Variants in DGKB observed in about 807,000 individuals in gnomAD.
DGKB encodes the protein diacylglycerol kinase beta.
A neutral mutation model predicts 114.3 loss-of-function variants in DGKB; 67 were observed. The observed-to-expected ratio is 0.59, with a 90% CI of 0.48 to 0.72. DGKB has a LOEUF of 0.72. Ranked by LOEUF, DGKB falls within the 30% of genes least tolerant of loss-of-function variation. DGKB has a pLI of 0.00. For synonymous variants in DGKB, 398 were observed against 323.1 expected, an observed-to-expected ratio of 1.23 and a Z score of -2.49; for missense variants, 907 against 975.2, an observed-to-expected ratio of 0.93 and a Z score of 0.93.
intron 20 of DGKB, among the ~76,000 whole-genome samples, chr7:14,539,277 A>G (rs1051124173): frequency 2.6e-5 from 4 of 152,128 alleles, no homozygotes; most frequent in Non-Finnish European, 4.4e-5. Flanking sequence ...AATTTCATTA[A>G]TTATGTGTGG....
chr7:14,699,397 C>T (rs767132380), intron 7 of DGKB, among the ~76,000 whole-genome samples: 20 of 152,100 alleles, frequency 1.3e-4, no homozygotes, highest in Admixed American at 3.3e-4. Flanking sequence ...TGGACTGTTA[C>T]GTAGGCATGT....
intron 21 of DGKB, among the ~76,000 whole-genome samples, chr7:14,359,393 T>A (rs1006481280): frequency 3.9e-5 from 6 of 152,100 alleles, no homozygotes; most frequent in African/African-American, 1.4e-4. Context: ...AATACCATTC[T>A]GGACATAGGC....
intron 17 of DGKB, among the ~76,000 whole-genome samples, chr7:14,585,626 T>C (rs1007272290): frequency 1.3e-5 from 2 of 152,226 alleles, no homozygotes; most frequent in Non-Finnish European, 2.9e-5. Context: ...TGTACAGGCA[T>C]ACCTCATTGT....
intron 23 of DGKB, among the ~76,000 whole-genome samples, chr7:14,289,906 T>C (rs1198498652): frequency 6.6e-6 from 1 of 152,180 alleles, no homozygotes; most frequent in Non-Finnish European, 1.5e-5. Context: ...GAAAAAACAG[T>C]AGCATATTTC....
intron 6 of DGKB, among the ~76,000 whole-genome samples, chr7:14,708,897 AG>A (rs1826803981): frequency 6.6e-6 from 1 of 151,368 alleles, no homozygotes; most frequent in Non-Finnish European, 1.5e-5. Context: ...TTCGGGACAT[AG>A]GCATGGGCAA....
intron 5 of DGKB, among the ~76,000 whole-genome samples, chr7:14,727,959 C>T (rs1830267918): frequency 6.6e-6 from 1 of 152,208 alleles, no homozygotes; most frequent in Non-Finnish European, 1.5e-5. Flanking sequence ...TCAAGTATCT[C>T]ATTCTCATTG....
chr7:14,939,565 A>G (rs937183869), intron 1 of DGKB, among the ~76,000 whole-genome samples: 12 of 151,868 alleles, frequency 7.9e-5, no homozygotes, highest in African/African-American at 2.9e-4. Flanking sequence ...AGTTTAAAAC[A>G]TACTTGAGGA....
Position 14,718,566 on chromosome 7 carries a change from C to T in DGKB, c.442G>A (p.Gly148Arg), listed in dbSNP as rs1369329640. ...IVCYLSLLERGRPEDKLEFMF... is the reference protein window; with the variant it reads ...IVCYLSLLERRRPEDKLEFMF... Reference sequence around the variant, plus strand: ...CACTCAAGCTTATCCTCAGGTCTTCCTCTTTCAAGCAGAGACAGGTAACAG... The same window carrying T: ...CACTCAAGCTTATCCTCAGGTCTTCTTCTTTCAAGCAGAGACAGGTAACAG... The change falls in exon 6 of 26, where the codon GGA becomes AGA. Residue 148 changes from glycine to arginine, a missense_variant. Coordinates refer to ENST00000402815, the MANE Select transcript of DGKB (RefSeq NM_001350709.2). 3.1e-6 allele frequency: 5 copies of T among 1,612,076 alleles called. No homozygotes were observed. The highest frequency in any genetic ancestry group is 4.2e-6 in the Non-Finnish European group (5 of 1,179,256).
At chr7:14,253,121 G>A (rs560323573) in intron 23 of DGKB, among the ~76,000 whole-genome samples, 69 of 151,728 alleles carry the variant, frequency 4.5e-4, no homozygotes, top group African/African-American at 1.3e-3. Flanking sequence ...TGCAACCTCC[G>A]CCTCCCGGGT....
At chr7:14,759,408 C>T (rs1835367423) in intron 2 of DGKB, among the ~76,000 whole-genome samples, 2 of 152,096 alleles carry the variant, frequency 1.3e-5, no homozygotes, top group Non-Finnish European at 1.5e-5. Context: ...AACAGTCACT[C>T]CCTGTATTTT....
chr7:14,576,814 G>A (rs996859424), intron 19 of DGKB, among the ~76,000 whole-genome samples: 8 of 152,134 alleles, frequency 5.3e-5, no homozygotes, highest in South Asian at 2.1e-4. Context: ...GGATATGTGT[G>A]TAGGGATTTT....
At chr7:14,303,032 A>G (rs1585024346) in intron 23 of DGKB, among the ~76,000 whole-genome samples, 1 of 152,174 alleles carries the variant, frequency 6.6e-6, no homozygotes, top group Non-Finnish European at 1.5e-5. Flanking sequence ...TATCCTAGCT[A>G]TGCTGCTAAG....
intron 6 of DGKB, among the ~76,000 whole-genome samples, chr7:14,712,403 A>C (rs2128337016): frequency 6.6e-6 from 1 of 152,278 alleles, no homozygotes; most frequent in African/African-American, 2.4e-5. Context: ...ATGGTGGAGA[A>C]TTTGGGAATT....
intron 17 of DGKB, among the ~76,000 whole-genome samples, chr7:14,587,723 T>TA (rs1032594450): frequency 6.6e-6 from 1 of 152,124 alleles, no homozygotes; most frequent in Non-Finnish European, 1.5e-5. Context: ...AAATCAAGGC[T>TA]AAACTCTCTA....
chr7:14,493,416 G>C (rs1159321969), intron 20 of DGKB, among the ~76,000 whole-genome samples: 1 of 152,006 alleles, frequency 6.6e-6, no homozygotes, highest in African/African-American at 2.4e-5. Flanking sequence ...TAATAAAATA[G>C]AACAATTATC....
At chr7:14,673,177 T>C (rs936112183) in intron 12 of DGKB, 150 bp from the exon 13 acceptor site, 2 of 570,062 alleles carry the variant, frequency 3.5e-6, no homozygotes, top group Non-Finnish European at 6.3e-6. Flanking sequence ...AAGGAATTCA[T>C]AATACATTTG....
At chr7:14,967,971 A>G (rs1405641563) in intron 1 of DGKB, among the ~76,000 whole-genome samples, 1 of 152,132 alleles carries the variant, frequency 6.6e-6, no homozygotes, top group African/African-American at 2.4e-5. Flanking sequence ...GAGTATTTCT[A>G]TTTCTGACAA....
intron 23 of DGKB, among the ~76,000 whole-genome samples, chr7:14,274,912 T>C (rs1798768163): frequency 6.6e-6 from 1 of 151,416 alleles, no homozygotes; most frequent in Admixed American, 6.6e-5. Context: ...CAAATATGCA[T>C]TTTTTGGGGG....
chr7:14,668,224 C>G (rs183461793), intron 13 of DGKB, among the ~76,000 whole-genome samples: 3 of 152,022 alleles, frequency 2.0e-5, no homozygotes, highest in African/African-American at 7.2e-5. Context: ...GGCTGGTATA[C>G]AAGACAGTCA....
Sources: allele counts gnomAD v4.1 joint callset (sites outside exome capture counted in the v4.1 genomes callset), GRCh38; gene constraint gnomAD v4.1.1; transcripts MANE v1.5; gene names NCBI Gene and HGNC (gene_info 2026-07-23, HGNC 2026-07-21).